The following MALT1 variants were observed in gnomAD, a reference collection of about 807,000 sequenced individuals.
The protein encoded by MALT1 is MALT1 paracaspase.
Under a neutral mutation model 85.5 loss-of-function variants are expected in MALT1, and 36 were observed. The ratio of observed to expected loss-of-function variants is 0.42; its 90% CI spans 0.32 to 0.56. The LOEUF is 0.56. MALT1 is among the 20% of genes least tolerant of loss of function. MALT1 has a pLI of 0.10. For synonymous variants in MALT1, 359 were observed against 361.3 expected (o/e 0.99, Z 0.07); for missense variants, 716 against 981.6 (o/e 0.73, Z 3.62).
In MALT1 at chr18:58,709,532, A is replaced by G. The variant is rs759593233; in HGVS notation, c.804A>G (p.Thr268=). 2 of 1,608,202 alleles carry G rather than the reference A, an allele frequency of 1.2e-6. No homozygotes were observed. Among genetic ancestry groups the G allele is most frequent in the South Asian group, 2.2e-5 (2 of 89,516 alleles). Residue 268 remains threonine, a synonymous_variant, in exon 5 of 17, where the codon ACA becomes ACG. Transcript: ENST00000649217. ...YQWFKNELPL[T]HETKKLYMVP... ...GGTTCAAAAATGAATTACCATTAAC[A>G]CATGAGACCAAAAAGCTATACATGG...
chr18:58,744,318 T>C lies in MALT1; in HGVS notation c.1754-20T>C. The C allele has an allele frequency of 6.4e-7, 1 of 1,573,372 alleles. No homozygotes were observed. Among genetic ancestry groups the C allele is most frequent in the Non-Finnish European group, 8.6e-7 (1 of 1,158,064 alleles). ...ATCATCAGAAAACCTACCAAAGTTG[T>C]TCTTATTGTTCTTTTTCAGAACTTC... On this transcript the variant is annotated intron_variant, in intron 14 of 16. Transcript: ENST00000649217.
intron 10 of MALT1, among the ~76,000 whole-genome samples, chr18:58,726,921 G>A (rs1602326955): frequency 6.6e-6 from 1 of 152,198 alleles, no homozygotes; most frequent in African/African-American, 2.4e-5. Flanking sequence ...TTAAGCAGTG[G>A]GCCTTAGCAT....
In MALT1 at chr18:58,684,527, A is replaced by G. The variant is rs372122450; in HGVS notation, c.376+3191A>G. 1.6e-4 allele frequency among the ~76,000 whole-genome samples: 22 copies of G among 140,950 alleles called. No homozygotes were observed. In the East Asian group the frequency reaches 4.7e-3, roughly 30 times the overall value. 92.5% of individuals were successfully genotyped at this position (140,950 alleles called of 152,430 possible). On this transcript the variant is annotated intron_variant, in intron 2 of 16. Coordinates refer to ENST00000649217, the MANE Select transcript of MALT1 (RefSeq NM_006785.4). ...AATGTCATGATTTTGGCTCACCGCA[A>G]CCTCTGCCTCCCAGGTTCAAGCGAT...
In MALT1 at chr18:58,709,539, A is replaced by T; in HGVS notation, c.811A>T (p.Thr271Ser). Residue 271 changes from threonine (T) to serine (S), a missense_variant, in exon 5 of 17, where the codon ACC becomes TCC. By Grantham distance (58) the Thr-to-Ser change is moderately conservative (BLOSUM62 1). Around this residue, in one of 4 missense-constraint regions of MALT1, gnomAD observed 290 missense variants for 380.5 expected, o/e 0.76. Coordinates refer to ENST00000649217, the MANE Select transcript of MALT1 (RefSeq NM_006785.4). ...AAATGAATTACCATTAACACATGAGACCAAAAAGCTATACATGGTAGGAAG... is the reference window on the plus strand; with the variant it reads ...AAATGAATTACCATTAACACATGAGTCCAAAAAGCTATACATGGTAGGAAG... Reference protein sequence around the residue: ...FKNELPLTHETKKLYMVPYVD... With the variant: ...FKNELPLTHESKKLYMVPYVD... The T allele has an allele frequency of 6.2e-7, 1 of 1,606,330 alleles. No individual in the cohort carries two copies. Among genetic ancestry groups the T allele is most frequent in the South Asian group, 1.1e-5 (1 of 89,058 alleles).
Position 58,681,276 on chromosome 18 carries a change from T to C in MALT1, c.316T>C (p.Leu106=). The C allele has an allele frequency of 3.1e-6, 5 of 1,614,166 alleles. No homozygotes were observed. The highest frequency in any genetic ancestry group is 4.2e-6 in the Non-Finnish European group (5 of 1,180,018). The change falls in exon 2 of 17, where the codon TTG becomes CTG. Residue 106 remains leucine (L), a synonymous_variant. Transcript: ENST00000649217. ...MGEKGCTVTE[L]SDFLQAMEHT... ...TGAAAAAGGTTGCACAGTCACAGAA[T>C]TGAGTGATTTCCTGCAGGCTATGGA...
intron 7 of MALT1, among the ~76,000 whole-genome samples, chr18:58,711,786 T>G (rs1230990875): frequency 6.6e-6 from 1 of 152,192 alleles, no homozygotes; most frequent in Non-Finnish European, 1.5e-5. Flanking sequence ...GTCCTTCATG[T>G]CTCTATAGTA....
intron 2 of MALT1, 99 bp downstream of exon 2, chr18:58,681,435 G>A (rs2054320987): frequency 2.6e-6 from 3 of 1,162,054 alleles, no homozygotes; most frequent in Non-Finnish European, 3.5e-6. Context: ...AGTATTTTTG[G>A]AAAATGTAAA....
intron 1 of MALT1, among the ~76,000 whole-genome samples, chr18:58,676,029 G>A (rs1343539946): frequency 6.6e-6 from 1 of 152,050 alleles, no homozygotes; most frequent in Non-Finnish European, 1.5e-5. Context: ...CATCCTTCCT[G>A]CTGTACCTTC....
intron 2 of MALT1, chr18:58,691,256 CT>C (rs1253484220): frequency 9.4e-6 from 4 of 424,446 alleles, no homozygotes; most frequent in East Asian, 1.4e-4. Context: ...ATCCTTACCC[CT>C]ATCTCCATAT....
chr18:58,671,729 C>T lies in MALT1; in HGVS notation c.86C>T (p.Thr29Ile). 3.9e-6 allele frequency: 5 copies of T among 1,278,692 alleles called. No individual in the cohort carries two copies. The highest frequency in any genetic ancestry group is 4.9e-6 in the Non-Finnish European group (5 of 1,012,954). The allele number at this position is 1,278,692 out of a possible 1,614,324, so 79.2% of individuals were successfully genotyped here. ...CTGCTCGCCCCTCCGGCCGGCGCGA[C>T]CCTCAACCGCCTGCGGGAGCCGCTG... Reference protein sequence around the residue: ...GPLLAPPAGATLNRLREPLLR... With the variant: ...GPLLAPPAGAILNRLREPLLR... Residue 29 changes from threonine to isoleucine, a missense_variant, in exon 1 of 17, where the codon ACC becomes ATC. This residue lies in a region of MALT1 where 80 missense variants were observed against 65.1 expected (regional missense o/e 1.23). Transcript: ENST00000649217.
At chr18:58,694,430 TG>T (rs2054558251) in intron 2 of MALT1, among the ~76,000 whole-genome samples, 1 of 152,146 alleles carries the variant, frequency 6.6e-6, no homozygotes, top group African/African-American at 2.4e-5. Flanking sequence ...TTTGCATTGG[TG>T]GGTGGTAGAA....
chr18:58,687,271 C>T lies in MALT1; in HGVS notation c.376+5935C>T, dbSNP rs561051519. 2.0e-5 allele frequency among the ~76,000 whole-genome samples: 3 copies of T among 152,184 alleles called. No individual in the cohort carries two copies. In the East Asian group the frequency reaches 5.8e-4, roughly 29 times the overall value. ...GGAATAAGTAGAGGGAGAGAAAGGG[C>T]TGGTGAGCAAGGCCTGAAGGAATGT... On this transcript the variant is annotated intron_variant, in intron 2 of 16. Coordinates refer to ENST00000649217, the MANE Select transcript of MALT1 (RefSeq NM_006785.4).
chr18:58,714,934 A>G (rs1392485265), intron 8 of MALT1, among the ~76,000 whole-genome samples: 1 of 152,230 alleles, frequency 6.6e-6, no homozygotes, highest in Admixed American at 6.5e-5. Flanking sequence ...GCTTAGTGTC[A>G]TACTCATATT....
At chr18:58,721,005 A>T (rs2054974804) in intron 9 of MALT1, among the ~76,000 whole-genome samples, 1 of 152,222 alleles carries the variant, frequency 6.6e-6, no homozygotes, top group African/African-American at 2.4e-5. Flanking sequence ...ATGGACTCAA[A>T]AAAATGTGCT....
chr18:58,717,524 G>A (rs2054919970), intron 9 of MALT1, among the ~76,000 whole-genome samples: 1 of 152,084 alleles, frequency 6.6e-6, no homozygotes, highest in Non-Finnish European at 1.5e-5. Context: ...CTTTTAAAGA[G>A]TAAGAATTTA....
chr18:58,742,563 C>T (rs879690784), intron 14 of MALT1, among the ~76,000 whole-genome samples: 4 of 152,074 alleles, frequency 2.6e-5, no homozygotes, highest in African/African-American at 7.2e-5. Context: ...AAAAAGTTAG[C>T]GGGGTGTGGT....
At chr18:58,713,099 A>C (rs573970818) in intron 7 of MALT1, among the ~76,000 whole-genome samples, 1 of 152,220 alleles carries the variant, frequency 6.6e-6, no homozygotes, top group African/African-American at 2.4e-5. Context: ...CTAATACTGA[A>C]GGCAAAAAAA....
At chr18:58,676,997 T>A (rs1292217791) in intron 1 of MALT1, among the ~76,000 whole-genome samples, 2 of 152,196 alleles carry the variant, frequency 1.3e-5, no homozygotes, top group African/African-American at 4.8e-5. Flanking sequence ...GAGATATTTT[T>A]AAAAAGTAAA....
At chr18:58,733,151 T>C (rs920974513) in intron 10 of MALT1, among the ~76,000 whole-genome samples, 2 of 152,176 alleles carry the variant, frequency 1.3e-5, no homozygotes, top group African/African-American at 4.8e-5. Context: ...CCTCAAGTGA[T>C]CTGCCTGCCT....
Sources: allele counts gnomAD v4.1 joint callset (sites outside exome capture counted in the v4.1 genomes callset), GRCh38; gene constraint gnomAD v4.1.1; regional missense constraint gnomAD v4.1.1; transcripts MANE v1.5; gene names NCBI Gene and HGNC (gene_info 2026-07-23, HGNC 2026-07-21).